SUMF1: variants seen among roughly 807,000 people sequenced by gnomAD.
The protein encoded by SUMF1 is sulfatase modifying factor 1.
A neutral mutation model predicts 47.6 loss-of-function variants in SUMF1; 48 were observed. The observed-to-expected ratio is 1.01, with a 90% CI of 0.80 to 1.28. The LOEUF (loss-of-function observed/expected upper bound fraction) is 1.28. Ranked by LOEUF, SUMF1 falls within the 50% of genes most tolerant of loss-of-function variation. The pLI is 0.00. For synonymous variants in SUMF1, 230 were observed against 192.1 expected (o/e 1.20, Z -1.63); for missense variants, 571 against 485.4 (o/e 1.18, Z -1.66).
intron 8 of SUMF1, among the ~76,000 whole-genome samples, chr3:4,284,555 A>T (rs1014262431): frequency 2.0e-5 from 3 of 151,770 alleles, no homozygotes; most frequent in Non-Finnish European, 4.4e-5. Context: ...CCTGGCATCA[A>T]GTCTGCATTT....
chr3:4,449,581 C>G (rs1382603739), intron 2 of SUMF1, among the ~76,000 whole-genome samples: 1 of 152,180 alleles, frequency 6.6e-6, no homozygotes, highest in African/African-American at 2.4e-5. Context: ...GCAGACTGAA[C>G]AAGATTAGCT....
At chr3:4,407,140 C>A (rs7620981) in intron 7 of SUMF1, among the ~76,000 whole-genome samples, 19,172 of 151,794 alleles carry the variant, frequency 0.13, 3,171 homozygotes, top group African/African-American at 0.39. Flanking sequence ...CCTTTTTTTC[C>A]CATGGCCAAA....
At chr3:4,254,813 C>T (rs1696905481) in intron 8 of SUMF1, among the ~76,000 whole-genome samples, 1 of 150,692 alleles carries the variant, frequency 6.6e-6, no homozygotes. Flanking sequence ...ACATAATTGT[C>T]AGATTCACCA....
intron 3 of SUMF1, among the ~76,000 whole-genome samples, chr3:4,422,165 G>A (rs35966602): frequency 6.6e-6 from 1 of 152,140 alleles, no homozygotes; most frequent in Admixed American, 6.5e-5. Flanking sequence ...TGGCGCTGTA[G>A]AAGTTCCTCT....
chr3:4,430,925 T>A (rs779101385), intron 3 of SUMF1, among the ~76,000 whole-genome samples: 4 of 152,100 alleles, frequency 2.6e-5, no homozygotes, highest in Admixed American at 6.5e-5. Context: ...CCAGAAAACT[T>A]GGGCATCAAC....
intron 7 of SUMF1, among the ~76,000 whole-genome samples, chr3:4,408,016 G>T (rs900749216): frequency 6.6e-6 from 1 of 152,178 alleles, no homozygotes; most frequent in Non-Finnish European, 1.5e-5. Context: ...TGAAATAGAA[G>T]TTTCTAGAAG....
chr3:4,141,015 T>A (rs1023445072), intron 8 of SUMF1, among the ~76,000 whole-genome samples: 3 of 152,180 alleles, frequency 2.0e-5, no homozygotes, highest in Non-Finnish European at 2.9e-5. Context: ...GACTGTTTAA[T>A]ACATTCACTT....
At chr3:4,410,671 T>C (rs780889159) in intron 7 of SUMF1, among the ~76,000 whole-genome samples, 194 bp downstream of exon 7, 9 of 152,228 alleles carry the variant, frequency 5.9e-5, no homozygotes, top group Non-Finnish European at 1.2e-4. Flanking sequence ...AAAGATAACA[T>C]GCTCACAGAC....
intron 8 of SUMF1, among the ~76,000 whole-genome samples, chr3:4,146,929 G>C (rs987259032): frequency 6.6e-6 from 1 of 151,950 alleles, no homozygotes; most frequent in South Asian, 2.1e-4. Flanking sequence ...CTTAATCCAG[G>C]CTATCGTTGT....
At chr3:4,077,764 C>A (rs77142773) in intron 8 of SUMF1, among the ~76,000 whole-genome samples, 7,688 of 151,978 alleles carry the variant, frequency 0.051, 531 homozygotes, top group East Asian at 0.19. Flanking sequence ...ATGTAACAAA[C>A]CTGCACGTTG....
intron 8 of SUMF1, among the ~76,000 whole-genome samples, chr3:4,070,189 C>T (rs576261137): frequency 9.1e-4 from 139 of 152,270 alleles, no homozygotes; most frequent in African/African-American, 3.3e-3. Flanking sequence ...CTGAACCCAA[C>T]CAATGTATTT....
At chr3:4,216,451 T>TG (rs1695926236) in intron 8 of SUMF1, among the ~76,000 whole-genome samples, 1 of 152,140 alleles carries the variant, frequency 6.6e-6, no homozygotes, top group South Asian at 2.1e-4. Flanking sequence ...GAAGAAAACC[T>TG]GGGCAGTACC....
At chr3:4,137,372 A>G (rs1296827567) in intron 8 of SUMF1, among the ~76,000 whole-genome samples, 1 of 151,976 alleles carries the variant, frequency 6.6e-6, no homozygotes, top group Non-Finnish European at 1.5e-5. Flanking sequence ...TATTGCAAGA[A>G]CAAAAAACCA....
chr3:4,399,100 G>A (rs1203400816), intron 7 of SUMF1, among the ~76,000 whole-genome samples: 2 of 152,104 alleles, frequency 1.3e-5, no homozygotes, highest in African/African-American at 4.8e-5. Context: ...ACGAGAGGGG[G>A]CGGAGGGATG....
chr3:4,109,272 T>C (rs1574890753), intron 8 of SUMF1, among the ~76,000 whole-genome samples: 1 of 152,124 alleles, frequency 6.6e-6, no homozygotes, highest in Non-Finnish European at 1.5e-5. Context: ...TTCTGGCTTG[T>C]AGAGTTTCTG....
At chr3:4,357,303 G>C (rs1217024491), downstream of SUMF1, among the ~76,000 whole-genome samples, 1 of 133,334 alleles carries the variant, frequency 7.5e-6, no homozygotes, top group Non-Finnish European at 1.5e-5. Context: ...AAAGCACTAT[G>C]TTTACGGTGG....
chr3:4,424,792 T>C (rs1055801147), intron 3 of SUMF1, among the ~76,000 whole-genome samples: 4 of 152,184 alleles, frequency 2.6e-5, no homozygotes, highest in African/African-American at 9.7e-5. Flanking sequence ...AGGAAAAAAA[T>C]GTCTGGAAGA....
chr3:4,042,281 C>T (rs962825109), intron 9 of SUMF1, among the ~76,000 whole-genome samples: 42 of 151,986 alleles, frequency 2.8e-4, no homozygotes, highest in South Asian at 2.1e-4. Context: ...ATCTTTATAA[C>T]GTGACAATTG....
chr3:4,205,143 G>A (rs1248862111), intron 8 of SUMF1, among the ~76,000 whole-genome samples: 1 of 152,064 alleles, frequency 6.6e-6, no homozygotes, highest in Non-Finnish European at 1.5e-5. Context: ...TTCCACCATT[G>A]TGATTTGTTA....
Sources: allele counts gnomAD v4.1 joint callset (sites outside exome capture counted in the v4.1 genomes callset), GRCh38; gene constraint gnomAD v4.1.1; transcripts MANE v1.5; gene names NCBI Gene and HGNC (gene_info 2026-07-23, HGNC 2026-07-21).